Variants in ZPBP observed in about 807,000 individuals in gnomAD.
ZPBP encodes zona pellucida-binding protein 1.
ZPBP carries 26 observed loss-of-function variants against 44.8 expected under a neutral mutation model. That is an observed-to-expected ratio of 0.58 (90% CI 0.43 to 0.81). The LOEUF is 0.81. Ranked by LOEUF, ZPBP falls within the 30% of genes least tolerant of loss-of-function variation. The pLI is 0.00. For synonymous variants in ZPBP, 174 were observed against 153.2 expected (o/e 1.14, Z -1.00); for missense variants, 409 against 434.0 (o/e 0.94, Z 0.51).
intron 1 of ZPBP, among the ~76,000 whole-genome samples, chr7:49,902,010 A>C (rs191244003): frequency 6.8e-6 from 1 of 147,556 alleles, no homozygotes; most frequent in Non-Finnish European, 1.5e-5. Context: ...CAAGAGACAG[A>C]CTTTACACCC....
intron 7 of ZPBP, among the ~76,000 whole-genome samples, chr7:49,958,307 A>G (rs1013082958): frequency 3.3e-5 from 5 of 152,316 alleles, no homozygotes; most frequent in Middle Eastern, 6.8e-3. Context: ...GATAAAAATG[A>G]CTGTATGTTA....
downstream of ZPBP, among the ~76,000 whole-genome samples, chr7:49,848,735 C>A (rs1203807195): frequency 6.6e-6 from 1 of 152,214 alleles, no homozygotes; most frequent in Admixed American, 6.5e-5. Flanking sequence ...TGAATCATTT[C>A]TCTCACAGGT....
chr7:50,050,454 T>C (rs1800630112), intron 4 of ZPBP, among the ~76,000 whole-genome samples: 1 of 152,012 alleles, frequency 6.6e-6, no homozygotes, highest in African/African-American at 2.4e-5. Context: ...CACACAAATA[T>C]CTTCAACTGA....
chr7:49,895,518 G>C (rs1792340165), intron 2 of ZPBP, among the ~76,000 whole-genome samples: 1 of 152,146 alleles, frequency 6.6e-6, no homozygotes, highest in South Asian at 2.1e-4. Flanking sequence ...GAAAAAATCA[G>C]TTAAGCCAGG....
At chr7:49,845,525 A>G (rs1337248926), downstream of ZPBP, among the ~76,000 whole-genome samples, 1 of 152,234 alleles carries the variant, frequency 6.6e-6, no homozygotes, top group African/African-American at 2.4e-5. Flanking sequence ...TATATCTGAG[A>G]GAGAGAGGCA....
chr7:50,031,032 T>A, intron 5 of ZPBP, 60 bp downstream of exon 5: 2 of 1,468,178 alleles, frequency 1.4e-6, no homozygotes, highest in Non-Finnish European at 1.9e-6. Flanking sequence ...AATTAACAAC[T>A]TTTTTAACTA....
At chr7:50,020,605 C>T (rs1043774250) in intron 5 of ZPBP, among the ~76,000 whole-genome samples, 1 of 152,054 alleles carries the variant, frequency 6.6e-6, no homozygotes, top group African/African-American at 2.4e-5. Context: ...AGTTGACTAA[C>T]CTCATCCTGT....
At chr7:49,971,708 A>C (rs1796311359) in intron 7 of ZPBP, among the ~76,000 whole-genome samples, 1 of 152,142 alleles carries the variant, frequency 6.6e-6, no homozygotes, top group African/African-American at 2.4e-5. Context: ...CTTTACAAAC[A>C]ATCTGAATGT....
At chr7:49,963,514 T>C (rs1246929234) in intron 7 of ZPBP, among the ~76,000 whole-genome samples, 1 of 151,638 alleles carries the variant, frequency 6.6e-6, no homozygotes, top group Non-Finnish European at 1.5e-5. Context: ...AGATAAATAG[T>C]GGTATATTTA....
At chr7:50,054,632 T>C (rs1010167413) in intron 4 of ZPBP, among the ~76,000 whole-genome samples, 2 of 152,130 alleles carry the variant, frequency 1.3e-5, no homozygotes, top group Non-Finnish European at 2.9e-5. Context: ...TTGATTTTAC[T>C]TCTTACAATC....
intron 6 of ZPBP, among the ~76,000 whole-genome samples, chr7:50,006,908 C>A (rs1446328772): frequency 6.6e-6 from 1 of 151,904 alleles, no homozygotes; most frequent in African/African-American, 2.4e-5. Flanking sequence ...ATATTATAAA[C>A]AATTGCACTA....
rs1417720868 is a variant in ZPBP at position 49,907,738 on chromosome 7, G to A, written n.412-6523C>T. 2.0e-5 allele frequency among the ~76,000 whole-genome samples: 3 copies of A among 152,310 alleles called. No homozygotes were observed. In the East Asian group the frequency reaches 5.8e-4, roughly 29 times the overall value. On this transcript the variant is annotated intron_variant and non_coding_transcript_variant, in intron 1 of 2. Coordinates refer to the ZPBP transcript ENST00000465922. ...GGGACAACTAAAAACTGAGGGTGGA[G>A]TTGGGGGCCACTTCCTGGTCATAGG...
intron 7 of ZPBP, among the ~76,000 whole-genome samples, chr7:49,969,789 T>C (rs986430872): frequency 6.8e-6 from 1 of 147,718 alleles, no homozygotes; most frequent in Non-Finnish European, 1.5e-5. Flanking sequence ...GTAAAAAAGT[T>C]TATGTTAATA....
At position 50,057,186 on chromosome 7, in the gene ZPBP, CAA is replaced by C. The variant is rs200305836; in HGVS notation, c.487+801_487+802del. Among the ~76,000 whole-genome samples, 136 of 93,960 alleles carry C rather than the reference CAA, an allele frequency of 1.4e-3. 1 individual carries two copies. The highest frequency in any genetic ancestry group is 4.6e-3 in the East Asian group (18 of 3,876). The allele number at this position is 93,960 out of a possible 152,430, so 61.6% of individuals were successfully genotyped here. A position where few individuals can be genotyped will look rare whatever the true frequency, so the allele number is the denominator to read the frequency against. ...TAGGTGACAGAGTGAGACTCCATCT[CAA>C]AAAAAAAAAAAAAAAAGTGAGCCTT... On this transcript the variant is annotated intron_variant, in intron 4 of 7. Coordinates refer to ENST00000046087, the MANE Select transcript of ZPBP (RefSeq NM_007009.3).
chr7:49,996,042 T>C (rs1797820789), intron 6 of ZPBP, among the ~76,000 whole-genome samples: 1 of 152,212 alleles, frequency 6.6e-6, no homozygotes, highest in Non-Finnish European at 1.5e-5. Flanking sequence ...AATTAATAAA[T>C]GCTCGAGGTG....
intron 6 of ZPBP, among the ~76,000 whole-genome samples, chr7:50,007,769 A>T (rs1408384170): frequency 6.6e-6 from 1 of 152,020 alleles, no homozygotes; most frequent in African/African-American, 2.4e-5. Context: ...TGAAGGAAAA[A>T]ATATATATTT....
At chr7:49,898,814 G>A (rs1792539919) in intron 2 of ZPBP, among the ~76,000 whole-genome samples, 1 of 151,842 alleles carries the variant, frequency 6.6e-6, no homozygotes, top group Non-Finnish European at 1.5e-5. Context: ...GCAAAGTCTA[G>A]GGCAACCCCT....
At chr7:49,902,684 T>C (rs1008275266) in intron 1 of ZPBP, among the ~76,000 whole-genome samples, 1 of 152,036 alleles carries the variant, frequency 6.6e-6, no homozygotes, top group Non-Finnish European at 1.5e-5. Context: ...AAAAAAACTT[T>C]AGGACGTAGG....
intron 4 of ZPBP, among the ~76,000 whole-genome samples, chr7:50,048,657 G>A (rs1005751328): frequency 1.3e-5 from 2 of 151,828 alleles, no homozygotes; most frequent in South Asian, 4.2e-4. Context: ...GACAAAACAT[G>A]CCAAAACCTA....
Sources: gnomAD v4.1 joint callset for allele counts (sites outside exome capture counted in the v4.1 genomes callset) on GRCh38, gnomAD v4.1.1 for gene constraint, MANE v1.5 for transcripts, NCBI Gene and HGNC (gene_info 2026-07-23, HGNC 2026-07-21) for gene names.